CASZ1: variants seen among roughly 807,000 people sequenced by gnomAD.
CASZ1 encodes zinc finger protein castor homolog 1.
Under a neutral mutation model 135.2 loss-of-function variants are expected in CASZ1, and 28 were observed. The observed-to-expected ratio is 0.21, with a 90% confidence interval of 0.15 to 0.28. CASZ1 has a LOEUF of 0.28. Ranked by LOEUF, CASZ1 falls within the 10% of genes least tolerant of loss-of-function variation. The pLI, the probability that CASZ1 is intolerant of heterozygous loss-of-function variation, is 1.00. For missense variants in CASZ1, 2,161 were observed against 2,453.3 expected (o/e 0.88, Z 2.52); for synonymous variants, 1,068 against 1,073.4 (o/e 0.99, Z 0.10).
intron 2 of CASZ1, among the ~76,000 whole-genome samples, chr1:10,734,946 C>T (rs1225703345): frequency 6.6e-6 from 1 of 152,118 alleles, no homozygotes; most frequent in Non-Finnish European, 1.5e-5. Flanking sequence ...TGGGGGGCCA[C>T]AAGGGCCCAC....
At chr1:10,775,514 G>A (rs1297681213) in intron 1 of CASZ1, among the ~76,000 whole-genome samples, 2 of 152,164 alleles carry the variant, frequency 1.3e-5, no homozygotes, top group African/African-American at 4.8e-5. Context: ...GAAGGGAGAG[G>A]GAGAAGGTGG....
intron 4 of CASZ1, among the ~76,000 whole-genome samples, chr1:10,672,947 CCTGTGAGTGTTT>C (rs1643454868): frequency 6.6e-6 from 1 of 152,236 alleles, no homozygotes; most frequent in Non-Finnish European, 1.5e-5. Flanking sequence ...AGCGCGTGTG[CCTGTGAGTGTTT>C]GGAGGTGGGC....
At chr1:10,716,629 A>G (rs1389713488) in intron 2 of CASZ1, among the ~76,000 whole-genome samples, 2 of 152,142 alleles carry the variant, frequency 1.3e-5, no homozygotes, top group African/African-American at 4.8e-5. Flanking sequence ...AAGAGGAAGA[A>G]CAGGCGGAAG....
At chr1:10,650,493 T>G (rs1488737544) in intron 13 of CASZ1, 199 bp downstream of exon 13, 1 of 547,424 alleles carries the variant, frequency 1.8e-6, no homozygotes, top group African/African-American at 1.9e-5. Context: ...AATATATTTC[T>G]TCAGCCAGTT....
At chr1:10,795,424 T>C (rs1641045542) in intron 1 of CASZ1, among the ~76,000 whole-genome samples, 1 of 152,090 alleles carries the variant, frequency 6.6e-6, no homozygotes, top group Admixed American at 6.5e-5. Context: ...ATTGTTGAGC[T>C]CCGAGGTCAC....
intron 2 of CASZ1, among the ~76,000 whole-genome samples, chr1:10,740,335 C>T (rs1465391561): frequency 6.6e-6 from 1 of 152,244 alleles, no homozygotes; most frequent in Non-Finnish European, 1.5e-5. Flanking sequence ...GCCAGCACAG[C>T]CCCTCCCACT....
At chr1:10,661,737 T>A (rs1176186980) in intron 5 of CASZ1, among the ~76,000 whole-genome samples, 3 of 136,952 alleles carry the variant, frequency 2.2e-5, no homozygotes, top group African/African-American at 8.4e-5. Flanking sequence ...ACACAAAACA[T>A]ACACATGCAT....
Position 10,709,441 on chromosome 1 carries a change from G to A in CASZ1, c.-76-3897C>T, listed in dbSNP as rs1001180755. 1.3e-5 allele frequency among the ~76,000 whole-genome samples: 2 copies of A among 152,192 alleles called. No individual in the cohort carries two copies. Among genetic ancestry groups the A allele is most frequent in the African/African-American group, 4.8e-5 (2 of 41,444 alleles). ...CGTCATGGAAACGGGCACTTTCCCGGAGAAATATTCTGTTTGGCCTCCTTC... is the reference window on the plus strand; with the variant it reads ...CGTCATGGAAACGGGCACTTTCCCGAAGAAATATTCTGTTTGGCCTCCTTC... On this transcript the variant is annotated intron_variant, in intron 2 of 20. Transcript: ENST00000377022. The surrounding 1 kb of genome is among the most constrained non-coding windows in gnomAD (Gnocchi z 5.1).
intron 15 of CASZ1, chr1:10,648,488 CA>C (rs1642446814): frequency 5.7e-5 from 15 of 262,930 alleles, no homozygotes; most frequent in Non-Finnish European, 9.4e-5. Context: ...TCTCAGTATT[CA>C]CAGCAGGCTT....
chr1:10,744,855 A>AG (rs1640010073), intron 2 of CASZ1, among the ~76,000 whole-genome samples: 2 of 152,066 alleles, frequency 1.3e-5, no homozygotes, highest in Admixed American at 6.5e-5. Context: ...CCGTGACCTC[A>AG]CCAGAGCACA....
intron 4 of CASZ1, among the ~76,000 whole-genome samples, chr1:10,687,053 TGAC>T: frequency 6.6e-6 from 1 of 152,198 alleles, no homozygotes; most frequent in Non-Finnish European, 1.5e-5. Context: ...CACTTCCCGG[TGAC>T]AAAACTTCCA....
chr1:10,715,324 G>A (rs982728630), intron 2 of CASZ1, among the ~76,000 whole-genome samples: 6 of 152,118 alleles, frequency 3.9e-5, no homozygotes, highest in African/African-American at 1.2e-4. Flanking sequence ...GACTGTCTAC[G>A]ATGGTAGAAG....
chr1:10,640,006 T>A lies in CASZ1; in HGVS notation c.4216A>T (p.Ile1406Phe). 1.2e-6 allele frequency: 2 copies of A among 1,612,272 alleles called. No homozygotes were observed. Among genetic ancestry groups the A allele is most frequent in the Non-Finnish European group, 1.7e-6 (2 of 1,179,992 alleles). The change falls in exon 21 of 21, where the codon ATC becomes TTC. Residue 1406 changes from isoleucine (I) to phenylalanine (F), a missense_variant. Around this residue, in one of 7 missense-constraint regions of CASZ1, gnomAD observed 143 missense variants for 128.3 expected, o/e 1.11. Transcript: ENST00000377022. ...ASGAKKRFWI[I>F]EDMSPFGKRR... ...TTGCCGAAGGGCGACATGTCCTCGA[T>A]GATCCAGAAGCGCTTTTTGGCCCCC...
In CASZ1 at chr1:10,774,986, A is replaced by G. The variant is rs1300086063; in HGVS notation, c.-233-14129T>C. On this transcript the variant is annotated intron_variant, in intron 1 of 20. Transcript: ENST00000377022. The surrounding 1 kb of genome is among the most constrained non-coding windows in gnomAD (Gnocchi z 4.4). ...ATTAAACACACACACACAACACCCCAACAAGGGAGACAGAATACACCGAGA... is the reference window on the plus strand; with the variant it reads ...ATTAAACACACACACACAACACCCCGACAAGGGAGACAGAATACACCGAGA... Among the ~76,000 whole-genome samples, 1 of 152,014 alleles carries G rather than the reference A, an allele frequency of 6.6e-6. No individual in the cohort carries two copies. Among genetic ancestry groups the G allele is most frequent in the Non-Finnish European group, 1.5e-5 (1 of 67,992 alleles).
intron 1 of CASZ1, among the ~76,000 whole-genome samples, chr1:10,789,955 A>G (rs1400707045): frequency 4.6e-5 from 7 of 152,166 alleles, no homozygotes; most frequent in Non-Finnish European, 7.4e-5. Flanking sequence ...GAGCCACAGC[A>G]ACTTAACTTG....
chr1:10,741,868 G>T lies in CASZ1; in HGVS notation c.-77+18833C>A, dbSNP rs1006363681. Among the ~76,000 whole-genome samples the T allele has an allele frequency of 1.3e-5, 2 of 151,990 alleles. No individual in the cohort carries two copies. Among genetic ancestry groups the T allele is most frequent in the Non-Finnish European group, 2.9e-5 (2 of 68,018 alleles). ...TTATTTTTTGCTTACTGGGCAGTTT[G>T]TGCGTATCTGTGTGTTTTTTCCCCC... On this transcript the variant is annotated intron_variant, in intron 2 of 20. Coordinates refer to ENST00000377022, the MANE Select transcript of CASZ1 (RefSeq NM_001079843.3). The surrounding 1 kb of genome is among the most constrained non-coding windows in gnomAD (Gnocchi z 5.0).
intron 4 of CASZ1, among the ~76,000 whole-genome samples, chr1:10,678,269 C>G (rs906392870): frequency 2.6e-5 from 4 of 152,208 alleles, no homozygotes; most frequent in African/African-American, 4.8e-5. Context: ...CATGAGGGGA[C>G]TAATTTAGGA....
Position 10,658,515 on chromosome 1 carries a change from T to A in CASZ1, c.1402A>T (p.Ile468Phe). The A allele has an allele frequency of 6.2e-7, 1 of 1,613,714 alleles. No individual in the cohort carries two copies. The highest frequency in any genetic ancestry group is 8.5e-7 in the Non-Finnish European group (1 of 1,179,732). The change falls in exon 7 of 21, where the codon ATT becomes TTT. Residue 468 changes from isoleucine (I) to phenylalanine (F), a missense_variant. By Grantham distance (21) the Ile-to-Phe change is conservative. Transcript: ENST00000377022. Reference sequence around the variant, plus strand: ...TCCTCCCCAGGGGCCTACCTGGCAATATATTTCTGGTAAATGTTTACATCT... The same window carrying A: ...TCCTCCCCAGGGGCCTACCTGGCAAAATATTTCTGGTAAATGTTTACATCT... ...TEDVNIYQKY[I>F]ARFSGSQHCG...
intron 4 of CASZ1, among the ~76,000 whole-genome samples, chr1:10,683,872 G>A (rs1190628932): frequency 6.6e-6 from 1 of 152,220 alleles, no homozygotes; most frequent in Non-Finnish European, 1.5e-5. Context: ...GCAGACTACA[G>A]GTGGGGTACA....
Sources: gnomAD v4.1 joint callset for allele counts (sites outside exome capture counted in the v4.1 genomes callset) on GRCh38, gnomAD v4.1.1 for gene constraint, gnomAD v4.1.1 regional missense constraint, Gnocchi (gnomAD v3.1) non-coding constraint, MANE v1.5 for transcripts, NCBI Gene and HGNC (gene_info 2026-07-23, HGNC 2026-07-21) for gene names.